FMNL3: variants seen among roughly 807,000 people sequenced by gnomAD.
FMNL3 encodes formin-like protein 3.
Under a neutral mutation model 119.6 loss-of-function variants are expected in FMNL3, and 57 were observed. That is an observed-to-expected ratio of 0.48 (90% CI 0.39 to 0.59). The LOEUF is 0.59. Among genes scored for constraint, FMNL3 ranks in the 20% least tolerant of loss-of-function variants. The pLI is 0.00. For synonymous variants in FMNL3, 491 were observed against 507.3 expected, an observed-to-expected ratio of 0.97 and a Z score of 0.43; for missense variants, 1,053 against 1,323.5, an observed-to-expected ratio of 0.80 and a Z score of 3.17.
rs201312466 is a variant in FMNL3, at chr12:49,649,415, G to A, written c.2304+55C>T. On this transcript the variant is annotated intron_variant, in intron 19 of 25. Coordinates refer to ENST00000335154, the MANE Select transcript of FMNL3 (RefSeq NM_175736.5). This position sits in a 1 kb window ranked among gnomAD's most constrained non-coding sequence, Gnocchi z 5.6. Reference sequence around the variant, plus strand: ...CTTCTTCCTCTCTGTATAGCCCCAGGCCCCCACCTAGGACCTGAAAACCCC... The same window carrying A: ...CTTCTTCCTCTCTGTATAGCCCCAGACCCCCACCTAGGACCTGAAAACCCC... 10 of 1,613,040 alleles carry A rather than the reference G, an allele frequency of 6.2e-6. No homozygotes were observed. Among genetic ancestry groups the A allele is most frequent in the Middle Eastern group, 1.6e-4 (1 of 6,078 alleles).
In FMNL3 at chr12:49,645,129, A is replaced by C. The variant is rs978630502; in HGVS notation, c.*686T>G. Reference sequence around the variant, plus strand: ...CAAAAAAAAAAAAAAAAAAAAAAAAACCGTAGCTGAGGAAAGAAGGTGAAG... The same window carrying C: ...CAAAAAAAAAAAAAAAAAAAAAAAACCCGTAGCTGAGGAAAGAAGGTGAAG... On this transcript the variant is annotated 3_prime_UTR_variant, in exon 26 of 26. Transcript: ENST00000335154. 2.0e-5 allele frequency: 3 copies of C among 150,808 alleles called. No homozygotes were observed. Among genetic ancestry groups the C allele is most frequent in the African/African-American group, 7.3e-5 (3 of 40,934 alleles). The allele number at this position is 150,808 out of a possible 1,614,324, so 9.3% of individuals were successfully genotyped here.
In FMNL3 at chr12:49,645,124, A is replaced by AAAC. The variant is rs1354981021; in HGVS notation, c.*690_*691insGTT. The AAAC allele has an allele frequency of 2.0e-5, 3 of 151,698 alleles. No homozygotes were observed. The highest frequency in any genetic ancestry group is 4.8e-5 in the African/African-American group (2 of 41,248). The allele number at this position is 151,698 out of a possible 1,614,324, so 9.4% of individuals were successfully genotyped here. A position where few individuals can be genotyped will look rare whatever the true frequency, so the allele number is the denominator to read the frequency against. On this transcript the variant is annotated 3_prime_UTR_variant, in exon 26 of 26. Transcript: ENST00000335154. ...CCTGCCAAAAAAAAAAAAAAAAAAA[A>AAAC]AAAAACCGTAGCTGAGGAAAGAAGG...
chr12:49,653,187 A>G, intron 13 of FMNL3, 39 bp downstream of exon 13: 1 of 1,582,968 alleles, frequency 6.3e-7, no homozygotes, highest in African/African-American at 1.3e-5. Flanking sequence ...GCTGGAGCCC[A>G]GGATCAGTCA....
intron 1 of FMNL3, among the ~76,000 whole-genome samples, chr12:49,706,605 G>A (rs1223855532): frequency 7.9e-5 from 12 of 152,130 alleles, no homozygotes; most frequent in Admixed American, 7.9e-4. Flanking sequence ...TCCCTGGGAA[G>A]CCTCCATGTT....
At chr12:49,699,880 A>G (rs1359923386) in intron 1 of FMNL3, among the ~76,000 whole-genome samples, 1 of 152,246 alleles carries the variant, frequency 6.6e-6, no homozygotes, top group Non-Finnish European at 1.5e-5. Flanking sequence ...TTCACTCAGT[A>G]ACGGTTAGCT....
intron 1 of FMNL3, among the ~76,000 whole-genome samples, chr12:49,688,176 T>G (rs1413409289): frequency 1.3e-5 from 2 of 152,158 alleles, no homozygotes; most frequent in African/African-American, 2.4e-5. Context: ...CCTTCTGGCC[T>G]GAGAGGGGGT....
rs577062684 is a variant in FMNL3, at chr12:49,639,021, A to G, written c.*6794T>C. 6.6e-6 allele frequency: 1 copy of G among 152,356 alleles called. No homozygotes were observed. The highest frequency in any genetic ancestry group is 2.1e-4 in the South Asian group (1 of 4,828). The allele number at this position is 152,356 out of a possible 1,614,324, so 9.4% of individuals were successfully genotyped here. A position where few individuals can be genotyped will look rare whatever the true frequency, so the allele number is the denominator to read the frequency against. ...TACTTACCATTAGGTAAGATGTATC[A>G]TACTGTCCTGAGGTATCCTCTCTTT... On this transcript the variant is annotated 3_prime_UTR_variant, in exon 26 of 26. Transcript: ENST00000335154.
chr12:49,651,563 AG>A, intron 14 of FMNL3, 113 bp from the exon 15 acceptor site: 3 of 924,454 alleles, frequency 3.2e-6, no homozygotes, highest in Non-Finnish European at 4.4e-6. Flanking sequence ...AAAAACTCTC[AG>A]AGAAGGAGCC....
intron 13 of FMNL3, among the ~76,000 whole-genome samples, 181 bp downstream of exon 13, chr12:49,653,045 C>T (rs1263454904): frequency 1.3e-5 from 2 of 152,106 alleles, no homozygotes; most frequent in African/African-American, 4.8e-5. Flanking sequence ...ACTGGCCCCA[C>T]CTTTCCTCTC....
chr12:49,666,042 C>A, intron 3 of FMNL3, 85 bp downstream of exon 3: 1 of 1,540,874 alleles, frequency 6.5e-7, no homozygotes, highest in Non-Finnish European at 9.0e-7. Flanking sequence ...AACAGATGTC[C>A]AATATCCAAG....
chr12:49,656,558 A>C (rs2138782102), intron 8 of FMNL3, 61 bp from the exon 9 acceptor site: 7,866 of 1,408,858 alleles, frequency 5.6e-3, no homozygotes, highest in Non-Finnish European at 7.1e-3. Context: ...CACACAGCTC[A>C]TTTCCCTGAC....
chr12:49,675,458 T>A (rs1423019153), intron 1 of FMNL3, among the ~76,000 whole-genome samples: 3 of 152,216 alleles, frequency 2.0e-5, no homozygotes, highest in Admixed American at 1.3e-4. Flanking sequence ...CCTCTCTTCA[T>A]GAGGTTCTGT....
intron 5 of FMNL3, among the ~76,000 whole-genome samples, chr12:49,661,468 G>C (rs1440791375): frequency 6.6e-6 from 1 of 150,418 alleles, no homozygotes; most frequent in African/African-American, 2.5e-5. Context: ...CCCCCTGCCT[G>C]CTAGAAAAAG....
chr12:49,677,572 C>T (rs926989349), intron 1 of FMNL3, among the ~76,000 whole-genome samples: 5 of 152,146 alleles, frequency 3.3e-5, no homozygotes, highest in South Asian at 2.1e-4. Flanking sequence ...ACACATAATG[C>T]TACCTATGTT....
At chr12:49,706,062 G>C (rs1028731081) in intron 1 of FMNL3, among the ~76,000 whole-genome samples, 4 of 152,222 alleles carry the variant, frequency 2.6e-5, no homozygotes, top group African/African-American at 7.2e-5. Context: ...CTTTGGGGAA[G>C]TGAGAACTAT....
At chr12:49,688,728 G>A in intron 1 of FMNL3, 1 of 314,970 alleles carries the variant, frequency 3.2e-6, no homozygotes. Flanking sequence ...AGAAAGGTGA[G>A]AGGGACAGCA....
rs375621471 is a variant in FMNL3 at position 49,651,212 on chromosome 12, T to C, written c.1753A>G (p.Ser585Gly). Residue 585 changes from serine (S) to glycine (G), a missense_variant, in exon 16 of 26, where the codon AGT (serine) becomes GGT (glycine). Coordinates refer to ENST00000335154, the MANE Select transcript of FMNL3 (RefSeq NM_175736.5). ...TCAAGTTCGCTGAAGACAGTGCCAC[T>C]GATCTGGTTGGGTTTCAGTGCTGTC... is the stretch of plus-strand genomic sequence containing the variant. Reference protein sequence around the residue: ...NWTALKPNQISGTVFSELDDE... With the variant: ...NWTALKPNQIGGTVFSELDDE... 1.9e-6 allele frequency: 3 copies of C among 1,613,728 alleles called. No individual in the cohort carries two copies. Among genetic ancestry groups the C allele is most frequent in the African/African-American group, 2.7e-5 (2 of 74,908 alleles).
Position 49,700,370 on chromosome 12 carries a change from C to T in FMNL3, c.126+6685G>A, listed in dbSNP as rs1212545912. On this transcript the variant is annotated intron_variant, in intron 1 of 25. Transcript: ENST00000335154. ...TCGAGCCACTGCACTCCAGCCTGGGCGACAGAGTGAGAATCCGTCTCAAAA... is the reference window on the plus strand; with the variant it reads ...TCGAGCCACTGCACTCCAGCCTGGGTGACAGAGTGAGAATCCGTCTCAAAA... Among the ~76,000 whole-genome samples the T allele has an allele frequency of 5.4e-5, 7 of 130,102 alleles. No homozygotes were observed. The South Asian group carries it at 1.2e-3, about 22-fold the overall frequency. 85.4% of individuals were successfully genotyped at this position (130,102 alleles called of 152,430 possible). A position where few individuals can be genotyped will look rare whatever the true frequency, so the allele number is the denominator to read the frequency against.
At chr12:49,651,531 TTCTC>T (rs1943401152) in intron 14 of FMNL3, 81 bp from the exon 15 acceptor site, 1 of 1,140,654 alleles carries the variant, frequency 8.8e-7, no homozygotes, top group Non-Finnish European at 1.2e-6. Flanking sequence ...CTGTCCCACC[TTCTC>T]TGAGAGTTAA....
Sources: allele counts gnomAD v4.1 joint callset (sites outside exome capture counted in the v4.1 genomes callset), GRCh38; gene constraint gnomAD v4.1.1; non-coding constraint Gnocchi (gnomAD v3.1); transcripts MANE v1.5; gene names NCBI Gene and HGNC (gene_info 2026-07-23, HGNC 2026-07-21).